LHPP: variants seen among roughly 807,000 people sequenced by gnomAD.
LHPP encodes the protein phospholysine phosphohistidine inorganic pyrophosphate phosphatase, also known as hLHPP.
A neutral mutation model predicts 30.3 loss-of-function variants in LHPP; 24 were observed. That is an observed-to-expected ratio of 0.79 (90% CI 0.57 to 1.11). LHPP has a LOEUF of 1.11. Among genes scored for constraint, LHPP ranks in the 50% most tolerant of loss-of-function variants. The pLI, the probability that LHPP is intolerant of heterozygous loss-of-function variation, is 0.00. For missense variants in LHPP, 356 were observed against 367.2 expected (o/e 0.97, Z 0.25); for synonymous variants, 150 against 157.1 (o/e 0.95, Z 0.34).
chr10:124,511,497 C>T (rs1051118580), intron 5 of LHPP, among the ~76,000 whole-genome samples: 1 of 152,200 alleles, frequency 6.6e-6, no homozygotes, highest in South Asian at 2.1e-4. Context: ...TCATGTCTCG[C>T]GGTGGCTTGC....
chr10:124,547,187 T>C (rs183910427), intron 6 of LHPP, among the ~76,000 whole-genome samples: 2 of 152,348 alleles, frequency 1.3e-5, no homozygotes, highest in East Asian at 3.9e-4. Context: ...TGCTTCCTGA[T>C]GGCTGTGAGC....
chr10:124,547,773 T>C (rs974345688), intron 6 of LHPP, among the ~76,000 whole-genome samples: 1 of 152,224 alleles, frequency 6.6e-6, no homozygotes, highest in African/African-American at 2.4e-5. Flanking sequence ...CCTGGCAGGA[T>C]GTCGTTCCAG....
At chr10:124,542,923 C>T (rs572932716) in intron 6 of LHPP, among the ~76,000 whole-genome samples, 2 of 152,310 alleles carry the variant, frequency 1.3e-5, no homozygotes, top group South Asian at 2.1e-4. Flanking sequence ...GTCGTTCTCC[C>T]CGGTCCCTGC....
intron 6 of LHPP, among the ~76,000 whole-genome samples, chr10:124,578,959 C>T (rs35422383): frequency 0.35 from 32,270 of 91,868 alleles, 3,718 homozygotes; most frequent in South Asian, 0.39. Context: ...CAGGATAGCA[C>T]GGACGGGGGG....
chr10:124,549,856 C>T (rs889662597), intron 6 of LHPP, among the ~76,000 whole-genome samples: 1 of 152,284 alleles, frequency 6.6e-6, no homozygotes, highest in Non-Finnish European at 1.5e-5. Flanking sequence ...CTTTCTGAGC[C>T]TTGCTTTTCT....
intron 6 of LHPP, chr10:124,554,096 G>A (rs1486779857): frequency 3.0e-6 from 3 of 984,756 alleles, no homozygotes; most frequent in Non-Finnish European, 3.6e-6. Flanking sequence ...CCTGGATTCA[G>A]CTCCTGCTCT....
intron 5 of LHPP, among the ~76,000 whole-genome samples, chr10:124,508,853 A>G (rs1305093276): frequency 6.6e-6 from 1 of 152,046 alleles, no homozygotes; most frequent in Non-Finnish European, 1.5e-5. Flanking sequence ...TTTCCCCCTT[A>G]ATATCCTATT....
At chr10:124,529,053 A>G (rs186052842) in intron 6 of LHPP, among the ~76,000 whole-genome samples, 20 of 129,706 alleles carry the variant, frequency 1.5e-4, no homozygotes, top group African/African-American at 6.1e-4. Flanking sequence ...TTTTTTTGAG[A>G]CAGAGTCTTG....
At chr10:124,609,540 G>A (rs73379018) in intron 6 of LHPP, among the ~76,000 whole-genome samples, 6,676 of 152,234 alleles carry the variant, frequency 0.044, 253 homozygotes, top group African/African-American at 0.11. Flanking sequence ...TACCACGCCC[G>A]GCCCATATGT....
chr10:124,462,624 G>C (rs1487664309), intron 1 of LHPP, among the ~76,000 whole-genome samples: 1 of 152,166 alleles, frequency 6.6e-6, no homozygotes, highest in Non-Finnish European at 1.5e-5. Flanking sequence ...ACCAGACTTC[G>C]TGAGTAAAAT....
chr10:124,485,897 G>T (rs188263193), intron 2 of LHPP, among the ~76,000 whole-genome samples: 2 of 152,056 alleles, frequency 1.3e-5, no homozygotes, highest in Non-Finnish European at 2.9e-5. Context: ...CACCGCCTCC[G>T]GTCTTACTTG....
chr10:124,491,983 T>A (rs1022842372), intron 3 of LHPP, among the ~76,000 whole-genome samples: 1 of 152,180 alleles, frequency 6.6e-6, no homozygotes, highest in Non-Finnish European at 1.5e-5. Context: ...ATGGGGATAT[T>A]TTACACAAAA....
intron 6 of LHPP, among the ~76,000 whole-genome samples, chr10:124,561,557 G>A (rs1016635761): frequency 1.3e-4 from 19 of 151,910 alleles, no homozygotes; most frequent in African/African-American, 3.1e-4. Context: ...AATGGAGCCC[G>A]CATGGGACAC....
intron 5 of LHPP, among the ~76,000 whole-genome samples, chr10:124,509,752 T>A (rs1321911099): frequency 6.6e-6 from 1 of 151,948 alleles, no homozygotes; most frequent in Non-Finnish European, 1.5e-5. Context: ...CCCTGGGGGA[T>A]ATGTGCACCC....
At chr10:124,498,251 C>T (rs1953789293) in intron 5 of LHPP, 123 bp downstream of exon 5, 2 of 1,507,974 alleles carry the variant, frequency 1.3e-6, no homozygotes, top group African/African-American at 1.4e-5. Flanking sequence ...AGCGTGGGCT[C>T]CCTGTGAAAG....
intron 6 of LHPP, among the ~76,000 whole-genome samples, chr10:124,560,341 AT>A (rs1171904107): frequency 3.9e-5 from 6 of 151,924 alleles, no homozygotes; most frequent in African/African-American, 1.2e-4. Context: ...CTCCACTCCC[AT>A]TTTTTTTGGA....
chr10:124,467,797 C>T, intron 1 of LHPP, among the ~76,000 whole-genome samples: 1 of 152,144 alleles, frequency 6.6e-6, no homozygotes, highest in East Asian at 1.9e-4. Flanking sequence ...CTCACTGCAG[C>T]CTCCGCCTCC....
At chr10:124,495,353 T>C (rs1953671457) in intron 3 of LHPP, among the ~76,000 whole-genome samples, 1 of 152,138 alleles carries the variant, frequency 6.6e-6, no homozygotes, top group African/African-American at 2.4e-5. Flanking sequence ...ACAAACAGAC[T>C]CCAAGCTCCA....
In LHPP at chr10:124,510,541, G is replaced by A. The variant is rs1954272440; in HGVS notation, c.625-6639G>A. ...TTCCTCCAAGAGACCACGTTCCTCT[G>A]GTCCTGTCTCCGTGGGCCACATCCA... On this transcript the variant is annotated intron_variant, in intron 5 of 6. Transcript: ENST00000368842. The surrounding 1 kb of genome is among the most constrained non-coding windows in gnomAD (Gnocchi z 4.0). Among the ~76,000 whole-genome samples the A allele has an allele frequency of 1.3e-5, 2 of 152,216 alleles. No homozygotes were observed. The highest frequency in any genetic ancestry group is 4.8e-5 in the African/African-American group (2 of 41,456).
Sources: allele counts gnomAD v4.1 joint callset (sites outside exome capture counted in the v4.1 genomes callset), GRCh38; gene constraint gnomAD v4.1.1; non-coding constraint Gnocchi (gnomAD v3.1); transcripts MANE v1.5; gene names NCBI Gene and HGNC (gene_info 2026-07-23, HGNC 2026-07-21).